MYBPC2: variants seen among roughly 807,000 people sequenced by gnomAD.
The protein encoded by MYBPC2 is myosin binding protein C2, also known as myosin-binding protein C, fast-type.
MYBPC2 carries 122 observed loss-of-function variants against 137.0 expected under a neutral mutation model. The observed-to-expected ratio is 0.89, with a 90% CI of 0.77 to 1.03. The LOEUF is 1.03. Ranked by LOEUF, MYBPC2 falls within the 50% of genes least tolerant of loss-of-function variation. The probability of loss-of-function intolerance (pLI) is 0.00; values close to 1 mark genes in which losing one functional copy is unlikely to be tolerated. For missense variants in MYBPC2, 1,500 were observed against 1,534.4 expected, an observed-to-expected ratio of 0.98 and a Z score of 0.37; for synonymous variants, 626 against 612.3, an observed-to-expected ratio of 1.02 and a Z score of -0.33.
chr19:50,433,925 A>C lies in MYBPC2; in HGVS notation c.19+953A>C, dbSNP rs904996496. On this transcript the variant is annotated intron_variant, in intron 1 of 27. Transcript: ENST00000357701. Reference sequence around the variant, plus strand: ...ACCTTGTCTCTACAAAAAATTAAAAATCAGCCAGGTGTGGTGGTGCATGCC... The same window carrying C: ...ACCTTGTCTCTACAAAAAATTAAAACTCAGCCAGGTGTGGTGGTGCATGCC... 9.1e-4 allele frequency among the ~76,000 whole-genome samples: 139 copies of C among 152,166 alleles called. 1 individual carries two copies. Among genetic ancestry groups the C allele is most frequent in the Non-Finnish European group, 2.8e-4 (19 of 68,014 alleles).
chr19:50,457,018 C>T (rs1331799652), intron 20 of MYBPC2, among the ~76,000 whole-genome samples: 1 of 152,226 alleles, frequency 6.6e-6, no homozygotes, highest in East Asian at 1.9e-4. Flanking sequence ...GACACACTAT[C>T]CCAGGTCTTA....
intron 16 of MYBPC2, 78 bp from the exon 17 acceptor site, chr19:50,453,942 G>C: frequency 2.7e-6 from 4 of 1,463,282 alleles, no homozygotes; most frequent in Non-Finnish European, 3.7e-6. Context: ...AGGATTCTGA[G>C]CAGGGGAATG....
Position 50,435,269 on chromosome 19 carries a change from G to T in MYBPC2, c.109+19G>T, listed in dbSNP as rs61464350. On this transcript the variant is annotated intron_variant, in intron 2 of 27. Transcript: ENST00000357701. The surrounding 1 kb of genome is among the most constrained non-coding windows in gnomAD (Gnocchi z 4.8). The stretch of plus-strand genomic sequence containing the variant: ...CCCAAAGGTGAGGAGGTGCTCCCTC[G>T]GGCTCAACCGACCTGGCTTCTCATC... 2 of 944,990 alleles carry T rather than the reference G, an allele frequency of 2.1e-6. No individual in the cohort carries two copies. Among genetic ancestry groups the T allele is most frequent in the African/African-American group, 1.6e-5 (1 of 61,968 alleles). 58.5% of individuals were successfully genotyped at this position (944,990 alleles called of 1,614,324 possible).
rs377503167 is a variant in MYBPC2 at position 50,441,071 on chromosome 19, G to C, written c.764G>C (p.Ser255Thr). 106 of 1,588,924 alleles carry C rather than the reference G, an allele frequency of 6.7e-5. No homozygotes were observed. Among genetic ancestry groups the C allele is most frequent in the Middle Eastern group, 5.0e-4 (3 of 6,056 alleles). ...AAGGCTAAGGTCGAGGTCAAGAAGA[G>C]TGCAGGTCAGCCCTGGTCTGGGGGG... is the stretch of plus-strand genomic sequence containing the variant. ...LKKAKVEVKK[S>T]AAFTKKLDPA... Residue 255 changes from serine (S) to threonine (T), a missense_variant, in exon 8 of 28, where the codon AGT (serine) becomes ACT (threonine). Transcript: ENST00000357701.
In MYBPC2 at chr19:50,464,447, C is replaced by T. The variant is rs746991751; in HGVS notation, c.3330C>T (p.Pro1110=). 6 of 1,611,888 alleles carry T rather than the reference C, an allele frequency of 3.7e-6. No individual in the cohort carries two copies. The highest frequency in any genetic ancestry group is 5.1e-6 in the Non-Finnish European group (6 of 1,179,274). ...TCCTGACGCTGAACATCCGTCGCCC[C>T]TCGCCCTTCGACGCTGGGACTTACA... is the stretch of plus-strand genomic sequence containing the variant. ...QGVLTLNIRR[P]SPFDAGTYTC... is the part of the protein sequence containing the mutation. Residue 1110 remains proline, a synonymous_variant, in exon 27 of 28, where the codon CCC becomes CCT. Coordinates refer to ENST00000357701, the MANE Select transcript of MYBPC2 (RefSeq NM_004533.4).
At chr19:50,464,816 G>A (rs1301339543) in intron 27 of MYBPC2, among the ~76,000 whole-genome samples, 1 of 152,144 alleles carries the variant, frequency 6.6e-6, no homozygotes, top group African/African-American at 2.4e-5. Flanking sequence ...ACGTCCCCAA[G>A]GCCTCCAGTG....
At chr19:50,463,263 A>G (rs1267214375) in intron 26 of MYBPC2, among the ~76,000 whole-genome samples, 4 of 152,226 alleles carry the variant, frequency 2.6e-5, no homozygotes, top group African/African-American at 9.7e-5. Flanking sequence ...ACAGGGCCCA[A>G]AAAGCCTGAA....
chr19:50,448,033 T>C (rs942432861), intron 12 of MYBPC2, among the ~76,000 whole-genome samples, 192 bp from the exon 13 acceptor site: 11 of 152,244 alleles, frequency 7.2e-5, no homozygotes, highest in African/African-American at 2.4e-4. Context: ...GCCTCCTCGC[T>C]CCCTCCTCTG....
intron 26 of MYBPC2, 163 bp from the exon 27 acceptor site, chr19:50,464,183 T>C (rs1293473054): frequency 3.3e-6 from 2 of 615,148 alleles, no homozygotes; most frequent in Admixed American, 6.2e-5. Flanking sequence ...AACCTGCTTT[T>C]ACATAAGAGG....
chr19:50,451,058 C>T (rs1293796253), intron 14 of MYBPC2, 123 bp downstream of exon 14: 5 of 1,038,040 alleles, frequency 4.8e-6, no homozygotes, highest in Non-Finnish European at 5.7e-6. Flanking sequence ...CAGCAAGCGT[C>T]TGTCCCGCTC....
At chr19:50,464,588 C>G in intron 27 of MYBPC2, 56 bp downstream of exon 27, 1 of 1,520,152 alleles carries the variant, frequency 6.6e-7, no homozygotes, top group Non-Finnish European at 8.8e-7. Context: ...CCTGTGCCAG[C>G]CTGGCCGGTG....
rs199869773 is a variant in MYBPC2 at position 50,466,159 on chromosome 19, C to G, written c.3416-36C>G. On this transcript the variant is annotated intron_variant, in intron 27 of 27. Coordinates refer to ENST00000357701, the MANE Select transcript of MYBPC2 (RefSeq NM_004533.4). The surrounding 1 kb of genome is among the most constrained non-coding windows in gnomAD (Gnocchi z 4.9). ...CTGGGGCTTCAGGAGGAGGCGTGCC[C>G]GGGCCTGGCTCACCCGCTTTCTCGT... 51 of 1,613,068 alleles carry G rather than the reference C, an allele frequency of 3.2e-5. No homozygotes were observed. Among genetic ancestry groups the G allele is most frequent in the Middle Eastern group, 3.3e-4 (2 of 6,072 alleles).
At chr19:50,444,749 G>T (rs1038023426) in intron 11 of MYBPC2, among the ~76,000 whole-genome samples, 2 of 151,438 alleles carry the variant, frequency 1.3e-5, no homozygotes, top group Admixed American at 1.3e-4. Context: ...GCGTGTTGGC[G>T]GGCGCCTGTA....
intron 26 of MYBPC2, among the ~76,000 whole-genome samples, chr19:50,462,594 T>A (rs759621829): frequency 6.6e-6 from 1 of 151,966 alleles, no homozygotes; most frequent in Non-Finnish European, 1.5e-5. Flanking sequence ...CCTTCTTTCT[T>A]TCTTTTTTTT....
rs781527491 is a variant in MYBPC2, at chr19:50,443,494, G to A, written c.903G>A (p.Lys301=). ...GTTTGAGGTGAGACTTTTGAATCAG[G>A]TACGTGTTTGAGAACGTTGGTAAGA... is the stretch of plus-strand genomic sequence containing the variant. ...KNGQEIKPSS[K]YVFENVGKKR... is the part of the protein sequence containing the mutation. The change falls in exon 10 of 28, where the codon AAG becomes AAA. Residue 301 remains lysine (K), a splice_region_variant and synonymous_variant. Coordinates refer to ENST00000357701, the MANE Select transcript of MYBPC2 (RefSeq NM_004533.4). The A allele has an allele frequency of 3.1e-6, 5 of 1,613,084 alleles. No homozygotes were observed. The African/African-American group carries it at 6.7e-5, about 22-fold the overall frequency.
intron 26 of MYBPC2, among the ~76,000 whole-genome samples, chr19:50,462,380 T>C (rs1254686409): frequency 6.6e-6 from 1 of 151,942 alleles, no homozygotes; most frequent in Non-Finnish European, 1.5e-5. Context: ...GATGGGGTCT[T>C]GCTATGTTGT....
In MYBPC2 at chr19:50,440,865, TCC is replaced by T. The variant is rs758735965; in HGVS notation, c.573-11_573-10del. 2.5e-6 allele frequency: 4 copies of T among 1,606,238 alleles called. No homozygotes were observed. Among genetic ancestry groups the T allele is most frequent in the Non-Finnish European group, 3.4e-6 (4 of 1,176,258 alleles). On this transcript the variant is annotated splice_polypyrimidine_tract_variant and intron_variant, in intron 7 of 27. Transcript: ENST00000357701. ...TCACTCCCTGATGGCCCCTGTCCGT[TCC>T]CCCACCCGCCAGGGAGGTGGTGGAG...
intron 24 of MYBPC2, among the ~76,000 whole-genome samples, chr19:50,461,194 A>G (rs1179499561): frequency 6.6e-6 from 1 of 150,802 alleles, no homozygotes; most frequent in Non-Finnish European, 1.5e-5. Context: ...TTAACAGACA[A>G]GGGTCTCGCC....
intron 14 of MYBPC2, among the ~76,000 whole-genome samples, 162 bp downstream of exon 14, chr19:50,451,097 G>C (rs550672765): frequency 1.3e-4 from 20 of 152,292 alleles, no homozygotes; most frequent in African/African-American, 4.8e-4. Flanking sequence ...TGGAGGGAGA[G>C]CGCTGAACTC....
Sources: allele counts gnomAD v4.1 joint callset (sites outside exome capture counted in the v4.1 genomes callset), GRCh38; gene constraint gnomAD v4.1.1; non-coding constraint Gnocchi (gnomAD v3.1); transcripts MANE v1.5; gene names NCBI Gene and HGNC (gene_info 2026-07-23, HGNC 2026-07-21).